SETD1A: variants seen among roughly 807,000 people sequenced by gnomAD.
SETD1A encodes SET domain containing 1A, histone lysine methyltransferase.
Under a neutral mutation model 149.9 loss-of-function variants are expected in SETD1A, and 29 were observed. The ratio of observed to expected loss-of-function variants is 0.19; its 90% confidence interval spans 0.14 to 0.26. The LOEUF (loss-of-function observed/expected upper bound fraction) is 0.26, where lower values mean the gene tolerates loss of function less well. Among genes scored for constraint, SETD1A ranks in the 10% least tolerant of loss-of-function variants. SETD1A has a pLI of 1.00. For missense variants in SETD1A, 2,109 were observed against 2,353.1 expected, an observed-to-expected ratio of 0.90 and a Z score of 2.15; for synonymous variants, 1,141 against 968.5, an observed-to-expected ratio of 1.18 and a Z score of -3.31.
Position 30,984,129 on chromosome 16 carries a change from T to A in SETD1A, c.*106T>A. The A allele has an allele frequency of 1.8e-6, 2 of 1,094,504 alleles. No homozygotes were observed. Among genetic ancestry groups the A allele is most frequent in the Non-Finnish European group, 2.5e-6 (2 of 787,914 alleles). The allele number at this position is 1,094,504 out of a possible 1,614,324, so 67.8% of individuals were successfully genotyped here. ...GCTCAGCAGGGCCCACATGCCCCCA[T>A]CTCCAAGCGTGGGGTTGGGGGCCCC... On this transcript the variant is annotated 3_prime_UTR_variant, in exon 19 of 19. Coordinates refer to ENST00000262519, the MANE Select transcript of SETD1A (RefSeq NM_014712.3).
intron 13 of SETD1A, among the ~76,000 whole-genome samples, chr16:30,975,496 T>A (rs973217465): frequency 1.4e-5 from 2 of 141,310 alleles, no homozygotes; most frequent in African/African-American, 5.2e-5. Flanking sequence ...AGTGGTGCAA[T>A]CTCGGCTCAC....
Position 30,971,480 on chromosome 16 carries a change from GCTCCTCATC to G in SETD1A, c.3126_3134del (p.Ser1056_Ser1058del). The G allele has an allele frequency of 6.2e-7, 1 of 1,613,868 alleles. No homozygotes were observed. Among genetic ancestry groups the G allele is most frequent in the East Asian group, 2.2e-5 (1 of 44,844 alleles). Reference sequence around the variant, plus strand: ...GACTCCGAGAGCAGCAGCTCTTCCAGCTCCTCATCCTCCTCCTCCTCCTCGTCCTCATCC... The same window carrying G: ...GACTCCGAGAGCAGCAGCTCTTCCAGCTCCTCCTCCTCCTCGTCCTCATCC... On this transcript the variant is annotated inframe_deletion, in exon 13 of 19. Transcript: ENST00000262519.
chr16:30,960,231 T>G (rs1411531348), intron 3 of SETD1A, among the ~76,000 whole-genome samples: 1 of 152,210 alleles, frequency 6.6e-6, no homozygotes, highest in Non-Finnish European at 1.5e-5. Context: ...CGCTGCTGTT[T>G]TCCTTTTGTT....
rs755420471 is a variant in SETD1A at position 30,979,784 on chromosome 16, A to T, written c.3998A>T (p.Asp1333Val). 4.4e-6 allele frequency: 7 copies of T among 1,587,890 alleles called. No homozygotes were observed. Among genetic ancestry groups the T allele is most frequent in the Admixed American group, 1.7e-5 (1 of 57,494 alleles). The change falls in exon 14 of 19, where the codon GAT (aspartate) becomes GTT (valine). Residue 1333 changes from aspartate to valine, a missense_variant. By Grantham distance (152) the Asp-to-Val change is radical. Coordinates refer to ENST00000262519, the MANE Select transcript of SETD1A (RefSeq NM_014712.3). ...APAALFSSPA[D>V]EVLEAPEVVV... ...GCCGCCCTCTTCAGTTCCCCAGCTGATGAGGTCCTGGAGGCCCCCGAGGTG... is the reference window on the plus strand; with the variant it reads ...GCCGCCCTCTTCAGTTCCCCAGCTGTTGAGGTCCTGGAGGCCCCCGAGGTG...
chr16:30,966,787 G>A, intron 8 of SETD1A, 97 bp from the exon 9 acceptor site: 1 of 1,340,262 alleles, frequency 7.5e-7, no homozygotes, highest in Non-Finnish European at 1.0e-6. Flanking sequence ...GCAGCAAGTA[G>A]ATGCGTTCTG....
At chr16:30,969,209 A>C in intron 10 of SETD1A, 96 bp from the exon 11 acceptor site, 1 of 1,222,732 alleles carries the variant, frequency 8.2e-7, no homozygotes, top group Non-Finnish European at 1.1e-6. Context: ...GAAGACCATC[A>C]GGAAGATTGG....
Position 30,965,831 on chromosome 16 carries a change from T to G in SETD1A, c.1950T>G (p.Pro650=). Residue 650 remains proline, a synonymous_variant, in exon 8 of 19, where the codon CCT becomes CCG. Coordinates refer to ENST00000262519, the MANE Select transcript of SETD1A (RefSeq NM_014712.3). ...GPPPPEYPPP[P]PPPPHIYDFV... is the part of the protein sequence containing the mutation. ...CGCCCCCTGAGTACCCCCCACCTCC[T>G]CCACCACCCCCGCACATCTATGACT... The G allele has an allele frequency of 8.4e-7, 1 of 1,196,526 alleles. No homozygotes were observed. Among genetic ancestry groups the G allele is most frequent in the Non-Finnish European group, 1.1e-6 (1 of 883,042 alleles). The allele number at this position is 1,196,526 out of a possible 1,614,324, so 74.1% of individuals were successfully genotyped here.
At position 30,984,442 on chromosome 16, in the gene SETD1A, G is replaced by C. The variant is rs988253091; in HGVS notation, c.*419G>C. ...GCAGTGGCCATGTTCTCCCCCTGGGGGGGCTCTGCACCCCCAGTCCTGGGG... is the reference window on the plus strand; with the variant it reads ...GCAGTGGCCATGTTCTCCCCCTGGGCGGGCTCTGCACCCCCAGTCCTGGGG... On this transcript the variant is annotated 3_prime_UTR_variant, in exon 19 of 19. Coordinates refer to ENST00000262519, the MANE Select transcript of SETD1A (RefSeq NM_014712.3). 24 of 170,382 alleles carry C rather than the reference G, an allele frequency of 1.4e-4. 1 individual carries two copies. The highest frequency in any genetic ancestry group is 1.2e-3 in the Admixed American group (22 of 18,044). The allele number at this position is 170,382 out of a possible 1,614,324, so 10.6% of individuals were successfully genotyped here. A position where few individuals can be genotyped will look rare whatever the true frequency, so the allele number is the denominator to read the frequency against.
chr16:30,972,743 G>C (rs766765098), intron 13 of SETD1A, among the ~76,000 whole-genome samples: 1 of 151,252 alleles, frequency 6.6e-6, no homozygotes, highest in Non-Finnish European at 1.5e-5. Context: ...GATCCCAGCT[G>C]CTCGGGAGGC....
intron 13 of SETD1A, among the ~76,000 whole-genome samples, chr16:30,976,149 GT>G (rs1426740453): frequency 6.6e-6 from 1 of 152,076 alleles, no homozygotes; most frequent in African/African-American, 2.4e-5. Flanking sequence ...GCTCACACAT[GT>G]AATCCCAGCA....
intron 17 of SETD1A, among the ~76,000 whole-genome samples, chr16:30,982,890 G>A (rs868634934): frequency 1.3e-5 from 2 of 152,202 alleles, no homozygotes. Context: ...CTGGGAGTAT[G>A]ATGGGAGGGC....
chr16:30,975,854 A>G (rs1204505194), intron 13 of SETD1A, among the ~76,000 whole-genome samples: 4 of 151,882 alleles, frequency 2.6e-5, no homozygotes, highest in Non-Finnish European at 5.9e-5. Context: ...GGGTTGAGGG[A>G]GGGGTTAGCT....
Position 30,980,872 on chromosome 16 carries a change from G to T in SETD1A, c.4692+23G>T. On this transcript the variant is annotated intron_variant, in intron 16 of 18. Coordinates refer to ENST00000262519, the MANE Select transcript of SETD1A (RefSeq NM_014712.3). This position sits in a 1 kb window ranked among gnomAD's most constrained non-coding sequence, Gnocchi z 7.7. The stretch of plus-strand genomic sequence containing the variant: ...AAGGTGAGGCTGGGCTGCAGGAGGG[G>T]CTGGGTGGGGTGGGGTGGGGCAGGA... 6.6e-7 allele frequency: 1 copy of T among 1,506,292 alleles called. No homozygotes were observed. The highest frequency in any genetic ancestry group is 9.2e-7 in the Non-Finnish European group (1 of 1,090,306). 93.3% of individuals were successfully genotyped at this position (1,506,292 alleles called of 1,614,324 possible).
intron 10 of SETD1A, among the ~76,000 whole-genome samples, chr16:30,968,377 T>G (rs567424368): frequency 6.7e-6 from 1 of 148,644 alleles, no homozygotes; most frequent in Admixed American, 6.8e-5. Context: ...CACTTCAGCC[T>G]GGGTGATAGC....
At chr16:30,981,562 A>G (rs1186506986) in intron 17 of SETD1A, among the ~76,000 whole-genome samples, 1 of 152,176 alleles carries the variant, frequency 6.6e-6, no homozygotes, top group Non-Finnish European at 1.5e-5. Context: ...TTTAGTAGAA[A>G]TGGGGTTTCA....
chr16:30,966,886 A>G lies in SETD1A; in HGVS notation c.2508A>G (p.Pro836=). 6.4e-7 allele frequency: 1 copy of G among 1,554,170 alleles called. No individual in the cohort carries two copies. Among genetic ancestry groups the G allele is most frequent in the Non-Finnish European group, 8.7e-7 (1 of 1,149,118 alleles). The change falls in exon 9 of 19, where the codon CCA becomes CCG. Residue 836 remains proline (P), a splice_region_variant and synonymous_variant. Coordinates refer to ENST00000262519, the MANE Select transcript of SETD1A (RefSeq NM_014712.3). ...CTCAGCCCCACTGCTGCCTGCAGCC[A>G]TTCCAGAACGCGGCCAAGCAGCAAG... is the stretch of plus-strand genomic sequence containing the variant. ...WWESKEEKAK[P]FQNAAKQQAK...
chr16:30,961,247 A>G lies in SETD1A; in HGVS notation c.247-20A>G. On this transcript the variant is annotated intron_variant, in intron 3 of 18. Coordinates refer to ENST00000262519, the MANE Select transcript of SETD1A (RefSeq NM_014712.3). The surrounding 1 kb of genome is among the most constrained non-coding windows in gnomAD (Gnocchi z 4.0). ...GTGGTCAGTGTTGAGACCCCATACC[A>G]ACTCCTGTTCTTTCCCCAGCTGGAC... 6.2e-7 allele frequency: 1 copy of G among 1,613,592 alleles called. No individual in the cohort carries two copies. Among genetic ancestry groups the G allele is most frequent in the Non-Finnish European group, 8.5e-7 (1 of 1,179,670 alleles).
chr16:30,972,555 G>A (rs952329416), intron 13 of SETD1A, among the ~76,000 whole-genome samples: 10 of 151,630 alleles, frequency 6.6e-5, no homozygotes, highest in South Asian at 2.1e-4. Flanking sequence ...GGAGAATGGC[G>A]TGAACCCAGG....
In SETD1A at chr16:30,971,711, G is replaced by C. The variant is rs2056227433; in HGVS notation, c.3350G>C (p.Arg1117Thr). Residue 1117 changes from arginine (R) to threonine (T), a missense_variant, in exon 13 of 19, where the codon AGG (arginine) becomes ACG (threonine). Arg to Thr is a moderately conservative substitution (Grantham distance 71, BLOSUM62 -1). Coordinates refer to ENST00000262519, the MANE Select transcript of SETD1A (RefSeq NM_014712.3). ...PLPEQEASPA[R>T]PAGPTEESPP... ...CCCGAACAGGAGGCGTCTCCAGCAAGGCCTGCAGGTAGGTGCCACAGGGCT... is the reference window on the plus strand; with the variant it reads ...CCCGAACAGGAGGCGTCTCCAGCAACGCCTGCAGGTAGGTGCCACAGGGCT... The C allele has an allele frequency of 6.4e-7, 1 of 1,565,434 alleles. No individual in the cohort carries two copies. Among genetic ancestry groups the C allele is most frequent in the Admixed American group, 1.8e-5 (1 of 54,244 alleles).
Sources: gnomAD v4.1 joint callset for allele counts (sites outside exome capture counted in the v4.1 genomes callset) on GRCh38, gnomAD v4.1.1 for gene constraint, Gnocchi (gnomAD v3.1) non-coding constraint, MANE v1.5 for transcripts, NCBI Gene and HGNC (gene_info 2026-07-23, HGNC 2026-07-21) for gene names.